ARHGEF10: variants seen among roughly 807,000 people sequenced by gnomAD.
ARHGEF10 encodes Rho guanine nucleotide exchange factor 10.
In ARHGEF10, 140 loss-of-function variants were observed where a neutral mutation model predicts 147.4. The observed-to-expected ratio is 0.95, with a 90% CI of 0.83 to 1.09. ARHGEF10 has a LOEUF of 1.09. ARHGEF10 is among the 50% of genes least tolerant of loss of function. The pLI is 0.00. For synonymous variants in ARHGEF10, 902 were observed against 695.8 expected, an observed-to-expected ratio of 1.30 and a Z score of -4.67; for missense variants, 2,222 against 1,752.7, an observed-to-expected ratio of 1.27 and a Z score of -4.78.
chr8:1,870,270 G>C (rs371208119), intron 7 of ARHGEF10: 1 of 120,614 alleles, frequency 8.3e-6, no homozygotes, highest in African/African-American at 3.1e-5. Context: ...GCTATGGATT[G>C]GTCCAGTTTG....
In ARHGEF10 at chr8:1,876,377, G is replaced by T. The variant is rs999315935; in HGVS notation, c.680-194G>T. ...TGAAGTGCTTTTCCCCAGCCTCCCC[G>T]GCCCTGCCCGGGTGGTGGAGGCGCT... On this transcript the variant is annotated intron_variant, in intron 7 of 28. Coordinates refer to ENST00000349830, the MANE Select transcript of ARHGEF10 (RefSeq NM_014629.4). 9 of 633,646 alleles carry T rather than the reference G, an allele frequency of 1.4e-5. 1 individual carries two copies. Among genetic ancestry groups the T allele is most frequent in the Non-Finnish European group, 2.0e-5 (7 of 357,760 alleles). 39.3% of individuals were successfully genotyped at this position (633,646 alleles called of 1,614,324 possible).
intron 2 of ARHGEF10, among the ~76,000 whole-genome samples, chr8:1,850,959 C>T (rs150396276): frequency 4.6e-5 from 7 of 151,610 alleles, no homozygotes; most frequent in Admixed American, 6.6e-5. Flanking sequence ...AGGCTGCGCC[C>T]GGTGCGATTC....
chr8:1,946,451 G>A lies in ARHGEF10; in HGVS notation c.3397+796G>A, dbSNP rs575780703. Reference sequence around the variant, plus strand: ...TGCCGGGGAGCACGGTGCCTGCAGGGCCGGTTTCTGGGAGGATCTGCTTCC... The same window carrying A: ...TGCCGGGGAGCACGGTGCCTGCAGGACCGGTTTCTGGGAGGATCTGCTTCC... On this transcript the variant is annotated intron_variant, in intron 27 of 28. Transcript: ENST00000349830. Among the ~76,000 whole-genome samples, 155 of 152,322 alleles carry A rather than the reference G, an allele frequency of 1.0e-3. 1 individual carries two copies. The highest frequency in any genetic ancestry group is 3.6e-3 in the African/African-American group (148 of 41,584).
Position 1,879,630 on chromosome 8 carries a change from G to A in ARHGEF10, c.844-418G>A, listed in dbSNP as rs971686938. Among the ~76,000 whole-genome samples, 7 of 151,260 alleles carry A rather than the reference G, an allele frequency of 4.6e-5. 1 individual carries two copies. The highest frequency in any genetic ancestry group is 2.6e-4 in the Admixed American group (4 of 15,174). The stretch of plus-strand genomic sequence containing the variant: ...GGCAGTGGCACCATCACGGCTCACT[G>A]CAGCCTCCACTTCCCAGGCTCAAGC... On this transcript the variant is annotated intron_variant, in intron 8 of 28. Coordinates refer to ENST00000349830, the MANE Select transcript of ARHGEF10 (RefSeq NM_014629.4).
chr8:1,832,972 GCAGAGAGAGA>G lies in ARHGEF10; in HGVS notation c.-48+8866_-48+8875del, dbSNP rs1563149205. Reference sequence around the variant, plus strand: ...GACAGAGGCAGAGGCAGATACAGAGGCAGAGAGAGACAGAGACAGAGGCAGAGACAGGCAG... The same window carrying G: ...GACAGAGGCAGAGGCAGATACAGAGGCAGAGACAGAGGCAGAGACAGGCAG... On this transcript the variant is annotated intron_variant, in intron 1 of 28. Transcript: ENST00000349830. Among the ~76,000 whole-genome samples the G allele has an allele frequency of 1.0e-3, 33 of 32,420 alleles. 1 individual carries two copies. Among genetic ancestry groups the G allele is most frequent in the East Asian group, 4.1e-3 (4 of 980 alleles). 21.3% of individuals were successfully genotyped at this position (32,420 alleles called of 152,430 possible). A position where few individuals can be genotyped will look rare whatever the true frequency, so the allele number is the denominator to read the frequency against.
At chr8:1,906,050 G>C (rs908334655) in intron 17 of ARHGEF10, among the ~76,000 whole-genome samples, 1 of 152,018 alleles carries the variant, frequency 6.6e-6, no homozygotes, top group African/African-American at 2.4e-5. Context: ...CTCTTTACCT[G>C]CTTCTCTATA....
rs750778427 is a variant in ARHGEF10, at chr8:1,926,501, G to A, written c.2697+38G>A. 3.2e-6 allele frequency: 5 copies of A among 1,568,350 alleles called. No individual in the cohort carries two copies. The South Asian group carries it at 4.4e-5, about 14-fold the overall frequency. On this transcript the variant is annotated intron_variant, in intron 23 of 28. Coordinates refer to ENST00000349830, the MANE Select transcript of ARHGEF10 (RefSeq NM_014629.4). ...TATTTGGTTTTGGTACAAGTTCACAGAGAATCAACGTTCATGGTCGGTGTG... is the reference window on the plus strand; with the variant it reads ...TATTTGGTTTTGGTACAAGTTCACAAAGAATCAACGTTCATGGTCGGTGTG...
intron 26 of ARHGEF10, among the ~76,000 whole-genome samples, chr8:1,944,284 C>T (rs1035215982): frequency 1.1e-4 from 16 of 152,210 alleles, no homozygotes; most frequent in African/African-American, 3.4e-4. Flanking sequence ...GCCCTGCGTG[C>T]CCAGCCTGAG....
chr8:1,848,273 C>T (rs1804710723), intron 2 of ARHGEF10, among the ~76,000 whole-genome samples: 3 of 152,226 alleles, frequency 2.0e-5, no homozygotes, highest in Non-Finnish European at 4.4e-5. Flanking sequence ...CGCCACACGG[C>T]GTTTCCTACT....
chr8:1,891,133 C>T (rs185431073), intron 11 of ARHGEF10, among the ~76,000 whole-genome samples: 6 of 152,268 alleles, frequency 3.9e-5, no homozygotes, highest in East Asian at 1.9e-4. Flanking sequence ...AGCACAGTGC[C>T]GTCACTTTCA....
chr8:1,908,918 T>A (rs1811131336), intron 17 of ARHGEF10, among the ~76,000 whole-genome samples: 1 of 152,228 alleles, frequency 6.6e-6, no homozygotes, highest in Non-Finnish European at 1.5e-5. Context: ...ATTTGAGAGT[T>A]AACTCTTATG....
intron 28 of ARHGEF10, among the ~76,000 whole-genome samples, chr8:1,954,793 AT>A (rs1352044103): frequency 1.3e-5 from 2 of 152,160 alleles, no homozygotes; most frequent in Non-Finnish European, 2.9e-5. Context: ...CGGCTTTTGC[AT>A]TTTCCTAGCT....
intron 1 of ARHGEF10, among the ~76,000 whole-genome samples, chr8:1,830,176 A>G (rs1307855075): frequency 6.6e-6 from 1 of 152,090 alleles, no homozygotes; most frequent in African/African-American, 2.4e-5. Flanking sequence ...CAGGGGAGGG[A>G]GGCTGTGTGC....
chr8:1,878,539 C>T (rs904062998), intron 8 of ARHGEF10, among the ~76,000 whole-genome samples: 1 of 152,198 alleles, frequency 6.6e-6, no homozygotes, highest in Non-Finnish European at 1.5e-5. Context: ...CTTGCTGTAG[C>T]TGAGTCAGAC....
Position 1,885,661 on chromosome 8 carries a change from C to T in ARHGEF10, c.1136C>T (p.Pro379Leu), listed in dbSNP as rs369967335. 39 of 1,613,874 alleles carry T rather than the reference C, an allele frequency of 2.4e-5. No homozygotes were observed. The highest frequency in any genetic ancestry group is 5.0e-5 in the Admixed American group (3 of 59,988). Residue 379 changes from proline to leucine, a missense_variant, in exon 11 of 29, where the codon CCG (proline) becomes CTG (leucine). Pro to Leu is a moderately conservative substitution (Grantham distance 98). Coordinates refer to ENST00000349830, the MANE Select transcript of ARHGEF10 (RefSeq NM_014629.4). ...TTCATTGATGTTGACTGCAAGCACC[C>T]GGAAGCCATCTTGACCCCGATGCCC... ...NLFIDVDCKH[P>L]EAILTPMPEG... is the part of the protein sequence containing the mutation.
Position 1,957,095 on chromosome 8 carries a change from C to CT in ARHGEF10, c.3868dup (p.Ser1290PhefsTer91). On this transcript the variant is annotated frameshift_variant, in exon 29 of 29. Coordinates refer to ENST00000349830, the MANE Select transcript of ARHGEF10 (RefSeq NM_014629.4). LOFTEE classifies it low-confidence loss of function (END_TRUNC). ...TCTATGATCTCCTGAAGGATCCTGT[C>CT]TCGCTGAGAAGCAAAGCACGCCGGG... is the stretch of plus-strand genomic sequence containing the variant. The CT allele has an allele frequency of 1.2e-6, 2 of 1,613,400 alleles. No individual in the cohort carries two copies. The highest frequency in any genetic ancestry group is 1.7e-6 in the Non-Finnish European group (2 of 1,180,040).
intron 1 of ARHGEF10, among the ~76,000 whole-genome samples, chr8:1,825,853 C>T (rs187570588): frequency 2.0e-5 from 3 of 152,336 alleles, no homozygotes; most frequent in African/African-American, 7.2e-5. Flanking sequence ...ATTCTAGATT[C>T]TGTGCAGGAG....
At chr8:1,844,465 T>TCCCTGGGGCCTGCTGGACGACA (rs1329433075) in intron 2 of ARHGEF10, among the ~76,000 whole-genome samples, 2 of 151,352 alleles carry the variant, frequency 1.3e-5, no homozygotes, top group African/African-American at 4.9e-5. Context: ...AATCCAGGGG[T>TCCCTGGGGCCTGCTGGACGACA]GAGCAGTGGC....
At chr8:1,842,723 C>G (rs1207533869) in intron 1 of ARHGEF10, among the ~76,000 whole-genome samples, 1 of 152,236 alleles carries the variant, frequency 6.6e-6, no homozygotes, top group Non-Finnish European at 1.5e-5. Context: ...CACGAGTCAC[C>G]AGGAACTGGC....
Sources: gnomAD v4.1 joint callset for allele counts (sites outside exome capture counted in the v4.1 genomes callset) on GRCh38, gnomAD v4.1.1 for gene constraint, MANE v1.5 for transcripts, NCBI Gene and HGNC (gene_info 2026-07-23, HGNC 2026-07-21) for gene names.